The following SPON2 variants were observed in gnomAD, a reference collection of about 807,000 sequenced individuals.
SPON2 encodes spondin 2, also known as spondin-2.
A neutral mutation model predicts 29.9 loss-of-function variants in SPON2; 32 were observed. That is an observed-to-expected ratio of 1.07 (90% CI 0.81 to 1.44). SPON2 has a LOEUF of 1.44. Among genes scored for constraint, SPON2 ranks in the 40% most tolerant of loss-of-function variants. SPON2 has a pLI of 0.00. For synonymous variants in SPON2, 248 were observed against 209.1 expected, an observed-to-expected ratio of 1.19 and a Z score of -1.61; for missense variants, 541 against 455.5, an observed-to-expected ratio of 1.19 and a Z score of -1.71.
At chr4:1,184,957 C>G (rs1359080894) in intron 1 of SPON2, among the ~76,000 whole-genome samples, 1 of 148,238 alleles carries the variant, frequency 6.7e-6, no homozygotes, top group Non-Finnish European at 1.5e-5. Flanking sequence ...AAAAAGAATA[C>G]AATAAGCAAT....
chr4:1,200,788 CT>C (rs754974136), intron 1 of SPON2: 118 of 456,556 alleles, frequency 2.6e-4, no homozygotes, highest in African/African-American at 2.3e-3. Flanking sequence ...CCTCTGGTCC[CT>C]GCCTTTGCTG....
upstream of SPON2, among the ~76,000 whole-genome samples, chr4:1,198,288 G>A (rs534520174): frequency 4.6e-5 from 7 of 152,266 alleles, no homozygotes; most frequent in East Asian, 1.2e-3. Context: ...AGATGAGCAC[G>A]AGGTGCTGGA....
At chr4:1,177,999 TC>T (rs1727636256), upstream of SPON2, among the ~76,000 whole-genome samples, 1 of 152,158 alleles carries the variant, frequency 6.6e-6, no homozygotes, top group Non-Finnish European at 1.5e-5. Flanking sequence ...CACTTGCTTG[TC>T]CACTCACGGA....
intron 1 of SPON2, among the ~76,000 whole-genome samples, chr4:1,190,705 T>C (rs565190409): frequency 2.6e-5 from 4 of 152,180 alleles, no homozygotes; most frequent in African/African-American, 9.7e-5. Flanking sequence ...ATTTCATGCA[T>C]ACAAAATCAT....
At chr4:1,188,951 A>G (rs935396375) in intron 1 of SPON2, among the ~76,000 whole-genome samples, 1 of 152,200 alleles carries the variant, frequency 6.6e-6, no homozygotes, top group Non-Finnish European at 1.5e-5. Context: ...ATAAATCTCA[A>G]CAAATTTAAA....
At position 1,167,770 on chromosome 4, in the gene SPON2, C is replaced by CG. The variant is rs969664061; in HGVS notation, c.812-115dup. 235 of 1,182,576 alleles carry CG rather than the reference C, an allele frequency of 2.0e-4. 1 individual carries two copies. Among genetic ancestry groups the CG allele is most frequent in the Admixed American group, 1.3e-4 (5 of 37,750 alleles). The allele number at this position is 1,182,576 out of a possible 1,614,324, so 73.3% of individuals were successfully genotyped here. A position where few individuals can be genotyped will look rare whatever the true frequency, so the allele number is the denominator to read the frequency against. On this transcript the variant is annotated intron_variant, in intron 5 of 5. Coordinates refer to ENST00000290902, the MANE Select transcript of SPON2 (RefSeq NM_012445.4). ...TTCATCAGAGGCCACGCCCACCCTT[C>CG]GGGGGCACTTGCGTTTCTCCGCACA... is the stretch of plus-strand genomic sequence containing the variant.
At position 1,171,404 on chromosome 4, in the gene SPON2, G is replaced by A. The variant is rs1425909795; in HGVS notation, c.303C>T (p.Gly101=). ...TCTCCTTCATCAGCGCCCAGGCCTC[G>A]CCGCGCTCCGCAAAGTCGCGCAGCC... is the stretch of plus-strand genomic sequence containing the variant. ...SNGLRDFAER[G]EAWALMKEIE... Residue 101 remains glycine, a synonymous_variant, in exon 3 of 6, where the codon GGC becomes GGT. Coordinates refer to ENST00000290902, the MANE Select transcript of SPON2 (RefSeq NM_012445.4). The A allele has an allele frequency of 6.2e-7, 1 of 1,612,302 alleles. No individual in the cohort carries two copies.
At chr4:1,177,485 G>A (rs1021732783), upstream of SPON2, among the ~76,000 whole-genome samples, 2 of 152,150 alleles carry the variant, frequency 1.3e-5, no homozygotes, top group Admixed American at 6.5e-5. Flanking sequence ...CTGAGCAGGC[G>A]GGTGTGGGGT....
At position 1,200,253 on chromosome 4, in the gene SPON2, C is replaced by A. The variant is rs1190223383; in HGVS notation, c.-234+7627G>T. Among the ~76,000 whole-genome samples the A allele has an allele frequency of 3.3e-5, 5 of 152,314 alleles. No homozygotes were observed. In the East Asian group the frequency reaches 9.7e-4, roughly 29 times the overall value. Reference sequence around the variant, plus strand: ...TCTCTGACACGTTCTTCCTGGGTCACCCCTCACTCAACACCCCCAGAGACC... The same window carrying A: ...TCTCTGACACGTTCTTCCTGGGTCAACCCTCACTCAACACCCCCAGAGACC... On this transcript the variant is annotated intron_variant, in intron 1 of 3. Coordinates refer to the SPON2 transcript ENST00000509233.
Position 1,170,837 on chromosome 4 carries a change from C to T in SPON2, c.636+162G>A, listed in dbSNP as rs138456628. 1,046 of 1,096,692 alleles carry T rather than the reference C, an allele frequency of 9.5e-4. 1 individual carries two copies. The highest frequency in any genetic ancestry group is 1.3e-3 in the Non-Finnish European group (936 of 743,580). 67.9% of individuals were successfully genotyped at this position (1,096,692 alleles called of 1,614,324 possible). A position where few individuals can be genotyped will look rare whatever the true frequency, so the allele number is the denominator to read the frequency against. The stretch of plus-strand genomic sequence containing the variant: ...CCCGGGTTGGGAGAGTATGGGAGGG[C>T]TGCACCCCCTTGCTCACTGCTGGCG... On this transcript the variant is annotated intron_variant, in intron 4 of 5. Coordinates refer to ENST00000290902, the MANE Select transcript of SPON2 (RefSeq NM_012445.4).
intron 1 of SPON2, among the ~76,000 whole-genome samples, chr4:1,201,952 T>A (rs573506894): frequency 6.6e-6 from 1 of 152,306 alleles, no homozygotes; most frequent in East Asian, 1.9e-4. Context: ...TTCATTGAGA[T>A]GAAATTCACA....
rs1395441571 is a variant in SPON2, at chr4:1,171,198, G to A, written c.445-8C>T. Reference sequence around the variant, plus strand: ...GCGCACCACAAACGAGACCTGCGGCGACAGCGGCTCAGCGCGCCTGGCCCC... The same window carrying A: ...GCGCACCACAAACGAGACCTGCGGCAACAGCGGCTCAGCGCGCCTGGCCCC... On this transcript the variant is annotated splice_polypyrimidine_tract_variant and splice_region_variant and intron_variant, in intron 3 of 5. Coordinates refer to ENST00000290902, the MANE Select transcript of SPON2 (RefSeq NM_012445.4). The A allele has an allele frequency of 1.3e-6, 2 of 1,495,958 alleles. No individual in the cohort carries two copies. The highest frequency in any genetic ancestry group is 1.8e-6 in the Non-Finnish European group (2 of 1,129,798). 92.7% of individuals were successfully genotyped at this position (1,495,958 alleles called of 1,614,324 possible).
chr4:1,199,706 C>T (rs565805006), upstream of SPON2: 8 of 152,426 alleles, frequency 5.2e-5, no homozygotes, highest in Admixed American at 5.2e-4. The surrounding 1 kb of genome is among the most constrained non-coding windows in gnomAD (Gnocchi z 4.5). Context: ...TCTTCTCTAG[C>T]CTTCCAGGCA....
chr4:1,207,491 G>A (rs1728370605), intron 1 of SPON2, among the ~76,000 whole-genome samples: 3 of 152,196 alleles, frequency 2.0e-5, no homozygotes, highest in Admixed American at 2.0e-4. Flanking sequence ...AAGGGCAGCA[G>A]AGAGGCCACC....
At chr4:1,198,569 G>A (rs1012549412), upstream of SPON2, among the ~76,000 whole-genome samples, 1 of 152,070 alleles carries the variant, frequency 6.6e-6, no homozygotes, top group South Asian at 2.1e-4. Context: ...AGGACTCAAT[G>A]CAGCATCAGC....
chr4:1,198,446 C>T (rs1387464335), upstream of SPON2, among the ~76,000 whole-genome samples: 1 of 152,150 alleles, frequency 6.6e-6, no homozygotes, highest in Non-Finnish European at 1.5e-5. Flanking sequence ...TAATTCATCT[C>T]ATGAAACCAG....
chr4:1,173,301 G>C (rs951523309), upstream of SPON2: 1 of 152,736 alleles, frequency 6.5e-6, no homozygotes, highest in African/African-American at 2.4e-5. Context: ...TGTGGCCAGA[G>C]GGCATTTGCA....
At chr4:1,204,015 C>T (rs1019701549) in intron 1 of SPON2, among the ~76,000 whole-genome samples, 16 of 152,070 alleles carry the variant, frequency 1.1e-4, no homozygotes, top group African/African-American at 3.6e-4. Context: ...GGATTACAGG[C>T]GTGCACCACC....
intron 1 of SPON2, among the ~76,000 whole-genome samples, chr4:1,206,336 C>T (rs940411667): frequency 3.3e-5 from 5 of 152,240 alleles, no homozygotes; most frequent in Admixed American, 1.3e-4. Context: ...CTGGGCTGAC[C>T]GTGGGCCTAG....
Sources: gnomAD v4.1 joint callset for allele counts (sites outside exome capture counted in the v4.1 genomes callset) on GRCh38, gnomAD v4.1.1 for gene constraint, Gnocchi (gnomAD v3.1) non-coding constraint, MANE v1.5 for transcripts, NCBI Gene and HGNC (gene_info 2026-07-23, HGNC 2026-07-21) for gene names.